DMBT1: variants seen among roughly 807,000 people sequenced by gnomAD.
DMBT1 encodes the protein deleted in malignant brain tumors 1.
DMBT1 carries 198 observed loss-of-function variants against 252.9 expected under a neutral mutation model. That is an observed-to-expected ratio of 0.78 (90% CI 0.70 to 0.88). The LOEUF (loss-of-function observed/expected upper bound fraction) is 0.88, where lower values mean the gene tolerates loss of function less well. DMBT1 is among the 40% of genes least tolerant of loss of function. The pLI is 0.00. For missense variants in DMBT1, 2,432 were observed against 2,404.7 expected (o/e 1.01, Z -0.24); for synonymous variants, 990 against 942.7 (o/e 1.05, Z -0.92).
intron 44 of DMBT1, among the ~76,000 whole-genome samples, chr10:122,624,212 A>G (rs1198620046): frequency 6.6e-6 from 1 of 152,138 alleles, no homozygotes; most frequent in Non-Finnish European, 1.5e-5. Flanking sequence ...CTGCAGATCC[A>G]TGCTGATGGC....
chr10:122,634,721 T>C (rs529128478), intron 52 of DMBT1, among the ~76,000 whole-genome samples: 23 of 152,250 alleles, frequency 1.5e-4, no homozygotes, highest in African/African-American at 5.5e-4. Flanking sequence ...GGTCTTCAAC[T>C]CCTGGCCTCA....
In DMBT1 at chr10:122,627,296, A is replaced by G. The variant is rs550253425; in HGVS notation, c.5668+1331A>G. 2.0e-5 allele frequency among the ~76,000 whole-genome samples: 3 copies of G among 152,248 alleles called. No homozygotes were observed. The South Asian group carries it at 6.2e-4, about 32-fold the overall frequency. ...GAATGAATGGATAAATTAATGAATA[A>G]ATACATAATTACTGTTGGCATTTTG... On this transcript the variant is annotated intron_variant, in intron 46 of 55. Coordinates refer to ENST00000338354, the MANE Select transcript of DMBT1 (RefSeq NM_001377530.1).
intron 7 of DMBT1, among the ~76,000 whole-genome samples, chr10:122,577,013 C>T (rs937732861): frequency 3.3e-5 from 5 of 152,328 alleles, no homozygotes; most frequent in Admixed American, 6.5e-5. Flanking sequence ...CCTGTGGGTA[C>T]AATGCCACGG....
At chr10:122,600,882 A>G (rs2097946839) in intron 27 of DMBT1, 109 bp from the exon 28 acceptor site, 2 of 649,776 alleles carry the variant, frequency 3.1e-6, no homozygotes, top group Admixed American at 2.7e-5. Context: ...AGTGGCAGGA[A>G]CAGGAAGTGG....
intron 51 of DMBT1, 77 bp from the exon 52 acceptor site, chr10:122,633,113 TA>T (rs2098179492): frequency 3.5e-5 from 54 of 1,541,510 alleles, no homozygotes; most frequent in Non-Finnish European, 4.6e-5. Flanking sequence ...TAAAGTAATT[TA>T]AATTTAAAGT....
chr10:122,620,372 C>T, intron 43 of DMBT1, 81 bp downstream of exon 43: 4 of 1,517,364 alleles, frequency 2.6e-6, no homozygotes, highest in South Asian at 2.3e-5. Flanking sequence ...AAGAATGAGG[C>T]TCAAGCTGGC....
At chr10:122,571,957 G>A (rs1300314796) in intron 4 of DMBT1, among the ~76,000 whole-genome samples, 3 of 152,208 alleles carry the variant, frequency 2.0e-5, no homozygotes, top group Admixed American at 2.0e-4. Flanking sequence ...CAGTGATGGT[G>A]AATATTTGTC....
chr10:122,642,492 C>G (rs1473879192), intron 55 of DMBT1, among the ~76,000 whole-genome samples: 3 of 152,190 alleles, frequency 2.0e-5, no homozygotes, highest in Admixed American at 1.3e-4. Context: ...GTTATTTTCC[C>G]TCTGACCCCT....
chr10:122,597,439 G>C (rs961475878), intron 24 of DMBT1, among the ~76,000 whole-genome samples: 3 of 152,112 alleles, frequency 2.0e-5, no homozygotes, highest in Non-Finnish European at 2.9e-5. Flanking sequence ...CTTAAACATG[G>C]CTGCCGCCAC....
At chr10:122,565,945 G>C in intron 1 of DMBT1, 22 bp from the exon 2 acceptor site, 1 of 1,613,338 alleles carries the variant, frequency 6.2e-7, no homozygotes, top group Non-Finnish European at 8.5e-7. Flanking sequence ...GTGTTTCTAA[G>C]ACGAATTTGT....
intron 7 of DMBT1, among the ~76,000 whole-genome samples, chr10:122,577,352 T>C (rs1317197862): frequency 6.6e-6 from 1 of 151,636 alleles, no homozygotes; most frequent in Non-Finnish European, 1.5e-5. Flanking sequence ...GGAAGTGGGG[T>C]AAGGGTGGGA....
chr10:122,627,055 C>T (rs1000603610), intron 46 of DMBT1, among the ~76,000 whole-genome samples: 11 of 152,140 alleles, frequency 7.2e-5, no homozygotes, highest in Non-Finnish European at 1.3e-4. Flanking sequence ...TTAAGACTCC[C>T]ATCTTTATCC....
At chr10:122,617,948 T>C (rs747771162) in intron 40 of DMBT1, 69 bp from the exon 41 acceptor site, 1 of 1,597,432 alleles carries the variant, frequency 6.3e-7, no homozygotes, top group Non-Finnish European at 8.5e-7. Context: ...GTACCCTGAG[T>C]GTGGAACTTG....
At chr10:122,640,596 T>C in intron 55 of DMBT1, 147 bp downstream of exon 55, 1 of 876,368 alleles carries the variant, frequency 1.1e-6, no homozygotes, top group Non-Finnish European at 1.7e-6. Flanking sequence ...CATGTAGTGA[T>C]GTCCTGTAGC....
chr10:122,592,815 A>T (rs975667169), intron 20 of DMBT1, among the ~76,000 whole-genome samples: 2 of 148,712 alleles, frequency 1.3e-5, no homozygotes, highest in Non-Finnish European at 3.0e-5. Context: ...AACAACCCAG[A>T]CTTTATCCCC....
rs755743749 is a variant in DMBT1, at chr10:122,643,342, G to A, written c.7573G>A (p.Val2525Ile). ...VGSYQEKVDVVLGPIQLQTPP... is the reference protein window; with the variant it reads ...VGSYQEKVDVILGPIQLQTPP... ...CTCCTACCAGGAAAAGGTGGACGTC[G>A]TCCTGGGTCCCATCCAGCTGCAGAC... Residue 2525 changes from valine (V) to isoleucine (I), a missense_variant, in exon 56 of 56, where the codon GTC becomes ATC. Physicochemically the swap from Val to Ile is conservative, Grantham distance 29 (BLOSUM62 3). Transcript: ENST00000338354. 5.0e-6 allele frequency: 8 copies of A among 1,613,810 alleles called. No homozygotes were observed. The highest frequency in any genetic ancestry group is 1.6e-4 in the Middle Eastern group (1 of 6,084).
chr10:122,598,739 A>G, intron 25 of DMBT1, 35 bp from the exon 26 acceptor site: 2 of 1,611,970 alleles, frequency 1.2e-6, no homozygotes, highest in South Asian at 1.1e-5. Context: ...ACCTCATGAT[A>G]GGGATGGATG....
intron 44 of DMBT1, among the ~76,000 whole-genome samples, chr10:122,621,863 G>T (rs2098073092): frequency 6.6e-6 from 1 of 152,234 alleles, no homozygotes; most frequent in South Asian, 2.1e-4. Flanking sequence ...ACGGGTATCT[G>T]TGCATGTGTG....
intron 55 of DMBT1, among the ~76,000 whole-genome samples, chr10:122,641,179 G>T (rs953251000): frequency 6.6e-6 from 1 of 152,166 alleles, no homozygotes; most frequent in Non-Finnish European, 1.5e-5. Context: ...GGGCCAGAGG[G>T]TGTGCAGGCT....
Sources: gnomAD v4.1 joint callset for allele counts (sites outside exome capture counted in the v4.1 genomes callset) on GRCh38, gnomAD v4.1.1 for gene constraint, MANE v1.5 for transcripts, NCBI Gene and HGNC (gene_info 2026-07-23, HGNC 2026-07-21) for gene names.